Variants in AGO4 observed in about 807,000 individuals in gnomAD.
AGO4 encodes the protein protein argonaute-4.
Under a neutral mutation model 104.7 loss-of-function variants are expected in AGO4, and 33 were observed. The ratio of observed to expected loss-of-function variants is 0.32; its 90% CI spans 0.24 to 0.42. The LOEUF (loss-of-function observed/expected upper bound fraction) is 0.42. AGO4 is among the 10% of genes least tolerant of loss of function. AGO4 has a pLI of 1.00. For synonymous variants in AGO4, 331 were observed against 364.7 expected, an observed-to-expected ratio of 0.91 and a Z score of 1.05; for missense variants, 711 against 1,083.4, an observed-to-expected ratio of 0.66 and a Z score of 4.83.
Position 35,808,276 on chromosome 1 carries a change from T to C in AGO4, c.-141T>C. On this transcript the variant is annotated 5_prime_UTR_variant, in exon 1 of 18. Coordinates refer to ENST00000373210, the MANE Select transcript of AGO4 (RefSeq NM_017629.4). The surrounding 1 kb of genome is among the most constrained non-coding windows in gnomAD (Gnocchi z 5.2). The stretch of plus-strand genomic sequence containing the variant: ...CGGGCCGGGCGCCGCCGCCGCCCCC[T>C]GCCCAGCGCCCGCGTCTCCGCGGCG... 1 of 309,450 alleles carries C rather than the reference T, an allele frequency of 3.2e-6. No homozygotes were observed. Among genetic ancestry groups the C allele is most frequent in the South Asian group, 1.2e-4 (1 of 8,442 alleles). 19.2% of individuals were successfully genotyped at this position (309,450 alleles called of 1,614,324 possible).
intron 17 of AGO4, among the ~76,000 whole-genome samples, chr1:35,853,248 C>CAAAAAAA (rs767922952): frequency 1.5e-5 from 1 of 64,956 alleles, no homozygotes; most frequent in Non-Finnish European, 3.2e-5. Flanking sequence ...GACTCTGTCT[C>CAAAAAAA]AAAAAAAAAA....
Position 35,824,956 on chromosome 1 carries a change from C to T in AGO4, c.307-357C>T, listed in dbSNP as rs113980637. The stretch of plus-strand genomic sequence containing the variant: ...AATAATTCCCCATACCCTACTGTCC[C>T]TGGTCCCTGAGAACCACTATTCTAC... On this transcript the variant is annotated intron_variant, in intron 3 of 17. Coordinates refer to ENST00000373210, the MANE Select transcript of AGO4 (RefSeq NM_017629.4). Among the ~76,000 whole-genome samples the T allele has an allele frequency of 6.0e-3, 917 of 152,264 alleles. 7 individuals carry two copies. Among genetic ancestry groups the T allele is most frequent in the African/African-American group, 0.021 (862 of 41,556 alleles).
chr1:35,849,087 G>A (rs72659698), intron 15 of AGO4, among the ~76,000 whole-genome samples: 8,778 of 152,220 alleles, frequency 0.058, 310 homozygotes, highest in South Asian at 0.067. Context: ...AGCAGAAGAG[G>A]GTGACCAAAT....
In AGO4 at chr1:35,833,948, T is replaced by C. The variant is rs960750598; in HGVS notation, c.1380-42T>C. On this transcript the variant is annotated intron_variant, in intron 11 of 17. Coordinates refer to ENST00000373210, the MANE Select transcript of AGO4 (RefSeq NM_017629.4). Reference sequence around the variant, plus strand: ...AGGAAAATGAATGCTAGAAATGTACTCTGAAATGAAAAAAACCGTGTTACT... The same window carrying C: ...AGGAAAATGAATGCTAGAAATGTACCCTGAAATGAAAAAAACCGTGTTACT... The C allele has an allele frequency of 2.2e-6, 3 of 1,391,486 alleles. No individual in the cohort carries two copies. The African/African-American group carries it at 4.4e-5, about 20-fold the overall frequency. The allele number at this position is 1,391,486 out of a possible 1,614,324, so 86.2% of individuals were successfully genotyped here.
rs1181067487 is a variant in AGO4 at position 35,855,798 on chromosome 1, C to T, written c.*2193C>T. ...TACCCTTCAGCATGGCCACTCTGGA[C>T]CCAAGAGGAGGAAAAAACGGAAGCT... On this transcript the variant is annotated 3_prime_UTR_variant, in exon 18 of 18. Coordinates refer to ENST00000373210, the MANE Select transcript of AGO4 (RefSeq NM_017629.4). The T allele has an allele frequency of 6.6e-6, 1 of 151,938 alleles. No homozygotes were observed. The highest frequency in any genetic ancestry group is 1.5e-5 in the Non-Finnish European group (1 of 68,010). The allele number at this position is 151,938 out of a possible 1,614,324, so 9.4% of individuals were successfully genotyped here. A position where few individuals can be genotyped will look rare whatever the true frequency, so the allele number is the denominator to read the frequency against.
At chr1:35,845,288 A>G (rs1240461128) in intron 15 of AGO4, among the ~76,000 whole-genome samples, 2 of 146,258 alleles carry the variant, frequency 1.4e-5, no homozygotes, top group African/African-American at 5.1e-5. Context: ...GCTTGCTGCA[A>G]TCTCTGCCTC....
chr1:35,826,184 G>C lies in AGO4; in HGVS notation c.760+124G>C, dbSNP rs537934470. ...TAACCACTTCTATCAATGGGACCTT[G>C]GTCAAGTTCCTTAACCACTGTGAAC... On this transcript the variant is annotated intron_variant, in intron 6 of 17. Coordinates refer to ENST00000373210, the MANE Select transcript of AGO4 (RefSeq NM_017629.4). 9.6e-6 allele frequency: 12 copies of C among 1,246,188 alleles called. No homozygotes were observed. The African/African-American group carries it at 1.7e-4, about 17-fold the overall frequency. 77.2% of individuals were successfully genotyped at this position (1,246,188 alleles called of 1,614,324 possible).
chr1:35,855,720 T>G lies in AGO4; in HGVS notation c.*2115T>G, dbSNP rs144303118. On this transcript the variant is annotated 3_prime_UTR_variant, in exon 18 of 18. Coordinates refer to ENST00000373210, the MANE Select transcript of AGO4 (RefSeq NM_017629.4). ...AAATCAGGACATGTTGGTGAGGGGC[T>G]GGCTGCTTGGCTGCTGCTTTTATTC... 3.3e-5 allele frequency: 5 copies of G among 151,540 alleles called. No individual in the cohort carries two copies. The East Asian group carries it at 9.7e-4, about 29-fold the overall frequency. The allele number at this position is 151,540 out of a possible 1,614,324, so 9.4% of individuals were successfully genotyped here. A position where few individuals can be genotyped will look rare whatever the true frequency, so the allele number is the denominator to read the frequency against.
At chr1:35,817,069 T>C in intron 2 of AGO4, 22 bp downstream of exon 2, 1 of 1,571,048 alleles carries the variant, frequency 6.4e-7, no homozygotes, top group Admixed American at 1.8e-5. Flanking sequence ...AAACAGTGGA[T>C]TTCTGTATAT....
intron 17 of AGO4, 38 bp downstream of exon 17, chr1:35,851,091 T>C: frequency 6.5e-7 from 1 of 1,538,548 alleles, no homozygotes; most frequent in Non-Finnish European, 8.8e-7. Context: ...CTTTATATTT[T>C]AGTAGCATGT....
intron 6 of AGO4, 109 bp downstream of exon 6, chr1:35,826,169 T>C (rs1379788338): frequency 3.6e-6 from 5 of 1,371,874 alleles, no homozygotes; most frequent in African/African-American, 2.9e-5. Context: ...TAACCACTTC[T>C]ATCAATGGGA....
chr1:35,812,549 TTC>T, intron 1 of AGO4, among the ~76,000 whole-genome samples: 1 of 152,314 alleles, frequency 6.6e-6, no homozygotes, highest in African/African-American at 2.4e-5. Context: ...TGATCCAAGT[TTC>T]TGTTTTCAAA....
chr1:35,854,362 C>A lies in AGO4; in HGVS notation c.*757C>A, dbSNP rs931617998. The A allele has an allele frequency of 3.3e-5, 5 of 152,556 alleles. No homozygotes were observed. Among genetic ancestry groups the A allele is most frequent in the African/African-American group, 1.2e-4 (5 of 41,426 alleles). 9.5% of individuals were successfully genotyped at this position (152,556 alleles called of 1,614,324 possible). A position where few individuals can be genotyped will look rare whatever the true frequency, so the allele number is the denominator to read the frequency against. ...TGCCATGATAAAAGTACTCATGTTT[C>A]CCCTATTTGGAAAAAAAAATTGCTT... On this transcript the variant is annotated 3_prime_UTR_variant, in exon 18 of 18. Transcript: ENST00000373210.
Position 35,827,790 on chromosome 1 carries a change from C to CTTTTT in AGO4, c.848+971_848+975dup, listed in dbSNP as rs142432459. 7.3e-4 allele frequency among the ~76,000 whole-genome samples: 76 copies of CTTTTT among 103,816 alleles called. 1 individual carries two copies. Among genetic ancestry groups the CTTTTT allele is most frequent in the East Asian group, 1.2e-3 (4 of 3,398 alleles). 68.1% of individuals were successfully genotyped at this position (103,816 alleles called of 152,430 possible). Reference sequence around the variant, plus strand: ...TTTTTTTTATTATACTGTTGTTATTCTTTTTTTTTTTTTTTTTTTTCTTTT... The same window carrying CTTTTT: ...TTTTTTTTATTATACTGTTGTTATTCTTTTTTTTTTTTTTTTTTTTTTTTTCTTTT... On this transcript the variant is annotated intron_variant, in intron 7 of 17. Coordinates refer to ENST00000373210, the MANE Select transcript of AGO4 (RefSeq NM_017629.4).
At chr1:35,816,425 C>T (rs1571257369) in intron 1 of AGO4, among the ~76,000 whole-genome samples, 2 of 152,118 alleles carry the variant, frequency 1.3e-5, no homozygotes, top group East Asian at 3.9e-4. Context: ...ACCCCAGATT[C>T]TTTATATTAG....
intron 15 of AGO4, among the ~76,000 whole-genome samples, chr1:35,843,050 G>A (rs774237255): frequency 8.6e-5 from 13 of 151,776 alleles, no homozygotes; most frequent in Non-Finnish European, 1.5e-4. Context: ...TCTCTAATCC[G>A]AGGATGAACT....
chr1:35,818,625 AAAAGAAAGAAAGAAAGAAAG>A (rs60952067), intron 2 of AGO4, among the ~76,000 whole-genome samples: 16 of 126,018 alleles, frequency 1.3e-4, no homozygotes, highest in Admixed American at 6.6e-4. Flanking sequence ...CTCTGTCTCA[AAAAGAAAGAAAGAAAGAAAG>A]AAAGAAAGAA....
In AGO4 at chr1:35,808,459, G is replaced by GCGGGACCCGGGACC. The variant is rs775495758; in HGVS notation, c.19+36_19+49dup. 3.5e-5 allele frequency: 41 copies of GCGGGACCCGGGACC among 1,179,674 alleles called. No individual in the cohort carries two copies. In the East Asian group the frequency reaches 9.9e-4, roughly 28 times the overall value. The allele number at this position is 1,179,674 out of a possible 1,614,324, so 73.1% of individuals were successfully genotyped here. ...CGGTGAGGAGCGAGCTCGGGTCGGGGCGGGACCCGGGACCCGGGACCCGGG... is the reference window on the plus strand; with the variant it reads ...CGGTGAGGAGCGAGCTCGGGTCGGGGCGGGACCCGGGACCCGGGACCCGGGACCCGGGACCCGGG... On this transcript the variant is annotated intron_variant, in intron 1 of 17. Coordinates refer to ENST00000373210, the MANE Select transcript of AGO4 (RefSeq NM_017629.4). This position sits in a 1 kb window ranked among gnomAD's most constrained non-coding sequence, Gnocchi z 5.2.
chr1:35,852,814 T>C (rs1033619995), intron 17 of AGO4, among the ~76,000 whole-genome samples: 2 of 152,168 alleles, frequency 1.3e-5, no homozygotes, highest in Admixed American at 1.3e-4. Flanking sequence ...TCAAAGAAGA[T>C]TTCTGTGCAG....
Sources: allele counts gnomAD v4.1 joint callset (sites outside exome capture counted in the v4.1 genomes callset), GRCh38; gene constraint gnomAD v4.1.1; non-coding constraint Gnocchi (gnomAD v3.1); transcripts MANE v1.5; gene names NCBI Gene and HGNC (gene_info 2026-07-23, HGNC 2026-07-21).